DOCK1: variants seen among roughly 807,000 people sequenced by gnomAD.
DOCK1 encodes the protein dedicator of cytokinesis 1.
A neutral mutation model predicts 262.7 loss-of-function variants in DOCK1; 138 were observed. That is an observed-to-expected ratio of 0.53 (90% confidence interval 0.46 to 0.61). The LOEUF is 0.61. Among genes scored for constraint, DOCK1 ranks in the 20% least tolerant of loss-of-function variants. The probability of loss-of-function intolerance (pLI) is 0.00; values close to 1 mark genes in which losing one functional copy is unlikely to be tolerated. For synonymous variants in DOCK1, 866 were observed against 867.4 expected, an observed-to-expected ratio of 1.00 and a Z score of 0.03; for missense variants, 1,908 against 2,370.7, an observed-to-expected ratio of 0.80 and a Z score of 4.05.
chr10:127,406,764 A>G (rs113872098), intron 40 of DOCK1, among the ~76,000 whole-genome samples: 1,947 of 152,316 alleles, frequency 0.013, 46 homozygotes, highest in African/African-American at 0.045. Context: ...TCAGAATGCA[A>G]AGTAACTGAC....
chr10:127,260,010 C>T (rs1295078105), intron 29 of DOCK1, among the ~76,000 whole-genome samples: 1 of 152,130 alleles, frequency 6.6e-6, no homozygotes, highest in Non-Finnish European at 1.5e-5. Context: ...AGACCCTGTC[C>T]AGCTTCTCCT....
chr10:127,100,446 C>T lies in DOCK1; in HGVS notation c.2446-5785C>T, dbSNP rs564526902. 1.4e-4 allele frequency among the ~76,000 whole-genome samples: 21 copies of T among 152,228 alleles called. No homozygotes were observed. In the South Asian group the frequency reaches 2.9e-3, roughly 21 times the overall value. On this transcript the variant is annotated intron_variant, in intron 23 of 51. Coordinates refer to ENST00000623213, the MANE Select transcript of DOCK1 (RefSeq NM_001290223.2). The surrounding 1 kb of genome is among the most constrained non-coding windows in gnomAD (Gnocchi z 5.5). The stretch of plus-strand genomic sequence containing the variant: ...GGAATCCCTAGGGAAGGCGAGGCAG[C>T]GGTGGCTTCCACCAAGGCAGGGGGA...
At chr10:127,306,977 GA>G (rs1191835661) in intron 29 of DOCK1, among the ~76,000 whole-genome samples, 1 of 152,134 alleles carries the variant, frequency 6.6e-6, no homozygotes, top group Non-Finnish European at 1.5e-5. Flanking sequence ...AATAGTTTGG[GA>G]ATTGTTTTAG....
At chr10:127,212,724 G>A (rs2058036073) in intron 27 of DOCK1, among the ~76,000 whole-genome samples, 1 of 146,892 alleles carries the variant, frequency 6.8e-6, no homozygotes, top group Non-Finnish European at 1.5e-5. Flanking sequence ...CATGATGGCA[G>A]CTTCTCTGTT....
intron 29 of DOCK1, among the ~76,000 whole-genome samples, chr10:127,325,287 T>C (rs1274322001): frequency 6.6e-6 from 1 of 152,242 alleles, no homozygotes; most frequent in Non-Finnish European, 1.5e-5. Context: ...CTGACAAGCT[T>C]GTAGCACATC....
rs1232741380 is a variant in DOCK1, at chr10:127,176,171, G to A, written c.2847+48407G>A. 1 of 1,613,978 alleles carries A rather than the reference G, an allele frequency of 6.2e-7. No homozygotes were observed. The highest frequency in any genetic ancestry group is 1.7e-5 in the Admixed American group (1 of 59,996). ...AGGCTGCTCTGCAGGACACGGGCTT[G>A]GCCTCCCGCTTCTCCCCCAGCTGGC... On this transcript the variant is annotated intron_variant, in intron 27 of 51. Transcript: ENST00000623213. This position sits in a 1 kb window ranked among gnomAD's most constrained non-coding sequence, Gnocchi z 4.4.
chr10:127,125,799 A>G lies in DOCK1; in HGVS notation c.2751+198A>G, dbSNP rs1592123916. Among the ~76,000 whole-genome samples the G allele has an allele frequency of 4.6e-5, 7 of 152,170 alleles. No homozygotes were observed. The South Asian group carries it at 1.5e-3, about 32-fold the overall frequency. ...ATTATTACAACATTTATCCTTTTGC[A>G]TTGAAAATTGTTCTTTATTTCCTGT... On this transcript the variant is annotated intron_variant, in intron 26 of 51. Coordinates refer to ENST00000623213, the MANE Select transcript of DOCK1 (RefSeq NM_001290223.2).
intron 27 of DOCK1, among the ~76,000 whole-genome samples, chr10:127,236,403 C>T (rs903390144): frequency 6.1e-5 from 9 of 148,242 alleles, no homozygotes; most frequent in Admixed American, 1.4e-4. Context: ...CCCTCCCATC[C>T]TCCTTCCTTC....
At chr10:127,388,881 A>G (rs1255929748) in intron 38 of DOCK1, among the ~76,000 whole-genome samples, 5 of 96,334 alleles carry the variant, frequency 5.2e-5, no homozygotes, top group Admixed American at 4.4e-4. Context: ...GAGTCTAACA[A>G]TCAAGGGCAC....
chr10:127,044,057 G>A (rs934530406), intron 21 of DOCK1, among the ~76,000 whole-genome samples: 1 of 152,056 alleles, frequency 6.6e-6, no homozygotes, highest in African/African-American at 2.4e-5. Context: ...ACTTTTTATT[G>A]TGTGAGTTAC....
At chr10:127,158,109 C>A (rs1484526930) in intron 27 of DOCK1, among the ~76,000 whole-genome samples, 4 of 152,208 alleles carry the variant, frequency 2.6e-5, no homozygotes, top group Non-Finnish European at 5.9e-5. Flanking sequence ...TGGGCTGCAG[C>A]ATCTGAATAT....
intron 33 of DOCK1, among the ~76,000 whole-genome samples, chr10:127,365,467 T>C (rs2064854253): frequency 1.3e-5 from 2 of 152,156 alleles, no homozygotes; most frequent in African/African-American, 4.8e-5. Context: ...AGGCAGAAAA[T>C]TCATTTGACT....
At chr10:127,028,175 T>C (rs944005949) in intron 16 of DOCK1, among the ~76,000 whole-genome samples, 2 of 152,128 alleles carry the variant, frequency 1.3e-5, no homozygotes, top group Admixed American at 6.5e-5. Flanking sequence ...ATCAGGTTTA[T>C]GTCTAACGGG....
chr10:126,980,428 T>C (rs1406794251), intron 3 of DOCK1, among the ~76,000 whole-genome samples: 1 of 152,112 alleles, frequency 6.6e-6, no homozygotes, highest in East Asian at 1.9e-4. Context: ...GCTCCTAGGC[T>C]CCTAGGCTGA....
chr10:127,016,871 A>G (rs1424576364), intron 12 of DOCK1, among the ~76,000 whole-genome samples: 1 of 114,990 alleles, frequency 8.7e-6, no homozygotes, highest in Non-Finnish European at 1.8e-5. Context: ...ACACACACAG[A>G]TACACCACAA....
chr10:127,268,252 T>TAG (rs2060437449), intron 29 of DOCK1, among the ~76,000 whole-genome samples: 1 of 151,968 alleles, frequency 6.6e-6, no homozygotes, highest in Non-Finnish European at 1.5e-5. Context: ...GTGCAGTGGC[T>TAG]CATGCCTGTA....
intron 24 of DOCK1, among the ~76,000 whole-genome samples, chr10:127,109,007 A>T (rs531267440): frequency 2.0e-5 from 3 of 152,344 alleles, no homozygotes; most frequent in East Asian, 3.9e-4. Context: ...TTTTAAAAAA[A>T]ATATATTATA....
intron 29 of DOCK1, among the ~76,000 whole-genome samples, chr10:127,315,155 C>T (rs1341206178): frequency 1.3e-5 from 2 of 152,086 alleles, no homozygotes; most frequent in African/African-American, 2.4e-5. Context: ...GAGAGCTGCC[C>T]CCTCCTCCGT....
At chr10:127,365,181 A>G (rs2064835823) in intron 33 of DOCK1, among the ~76,000 whole-genome samples, 1 of 152,230 alleles carries the variant, frequency 6.6e-6, no homozygotes, top group South Asian at 2.1e-4. Flanking sequence ...ATGGGCATGT[A>G]AGTTGTTTGC....
Sources: gnomAD v4.1 joint callset for allele counts (sites outside exome capture counted in the v4.1 genomes callset) on GRCh38, gnomAD v4.1.1 for gene constraint, Gnocchi (gnomAD v3.1) non-coding constraint, MANE v1.5 for transcripts, NCBI Gene and HGNC (gene_info 2026-07-23, HGNC 2026-07-21) for gene names.